The following OPRM1 variants were observed in gnomAD, a reference collection of about 807,000 sequenced individuals.
The protein encoded by OPRM1 is opioid receptor mu 1.
A neutral mutation model predicts 31.8 loss-of-function variants in OPRM1; 27 were observed. The observed-to-expected ratio is 0.85, with a 90% CI of 0.63 to 1.17. The LOEUF is 1.17. Ranked by LOEUF, OPRM1 falls within the 50% of genes most tolerant of loss-of-function variation. The pLI is 0.00. For synonymous variants in OPRM1, 196 were observed against 189.9 expected (o/e 1.03, Z -0.26); for missense variants, 536 against 511.1 (o/e 1.05, Z -0.47).
rs771380397 is a variant in OPRM1, at chr6:154,110,445, A to G, written c.1165-8238A>G. On this transcript the variant is annotated intron_variant, in intron 3 of 3. Coordinates refer to ENST00000330432, the MANE Select transcript of OPRM1 (RefSeq NM_000914.5). Reference sequence around the variant, plus strand: ...ATATTTTCCCGTGAAAGAATATAAGATTGGAAGCCAGAGAGCCTGGGTTCT... The same window carrying G: ...ATATTTTCCCGTGAAAGAATATAAGGTTGGAAGCCAGAGAGCCTGGGTTCT... The G allele has an allele frequency of 3.7e-4, 520 of 1,400,682 alleles. 8 individuals carry two copies. Among genetic ancestry groups the G allele is most frequent in the Admixed American group, 3.6e-4 (18 of 50,320 alleles). 86.8% of individuals were successfully genotyped at this position (1,400,682 alleles called of 1,614,324 possible). A position where few individuals can be genotyped will look rare whatever the true frequency, so the allele number is the denominator to read the frequency against.
intron 3 of OPRM1, among the ~76,000 whole-genome samples, chr6:154,194,372 A>G (rs2281619): frequency 0.68 from 103,536 of 152,106 alleles, 36,014 homozygotes; most frequent in East Asian, 0.89. Context: ...GCACTCCAGC[A>G]TGGGCAACAA....
chr6:154,075,820 C>T (rs906815618), intron 1 of OPRM1, among the ~76,000 whole-genome samples: 1 of 152,134 alleles, frequency 6.6e-6, no homozygotes, highest in African/African-American at 2.4e-5. Flanking sequence ...GAACAGTGAA[C>T]ACATCTGGGG....
intron 1 of OPRM1, among the ~76,000 whole-genome samples, chr6:154,044,070 A>G (rs972708504): frequency 2.2e-4 from 33 of 152,260 alleles, no homozygotes; most frequent in African/African-American, 7.5e-4. Context: ...GATAAAAAAT[A>G]TATAATTACA....
At chr6:154,180,416 T>TATA (rs1562526757) in intron 3 of OPRM1, among the ~76,000 whole-genome samples, 2,102 of 50,606 alleles carry the variant, frequency 0.042, 26 homozygotes, top group Middle Eastern at 0.06. Flanking sequence ...ATATATATAT[T>TATA]TTTTTTTTAA....
At chr6:154,228,152 A>C (rs184002971) in intron 3 of OPRM1, among the ~76,000 whole-genome samples, 2 of 151,956 alleles carry the variant, frequency 1.3e-5, no homozygotes, top group Non-Finnish European at 2.9e-5. Flanking sequence ...TTCTTCTTCA[A>C]TTCCTAACTT....
intron 1 of OPRM1, among the ~76,000 whole-genome samples, chr6:154,052,413 G>T (rs2128418139): frequency 6.6e-6 from 1 of 152,316 alleles, no homozygotes; most frequent in East Asian, 1.9e-4. Context: ...TAACTACTCA[G>T]TTCTGCTGTT....
chr6:154,101,468 C>A (rs899360869), intron 3 of OPRM1, among the ~76,000 whole-genome samples: 1 of 152,160 alleles, frequency 6.6e-6, no homozygotes, highest in Non-Finnish European at 1.5e-5. Flanking sequence ...GTGTGACTTG[C>A]ATATACTATA....
chr6:154,050,159 T>C (rs576091081), intron 1 of OPRM1, among the ~76,000 whole-genome samples: 4 of 152,316 alleles, frequency 2.6e-5, no homozygotes, highest in Admixed American at 2.6e-4. Flanking sequence ...GAAGACTTTT[T>C]ATTATGGCTT....
chr6:154,193,367 A>G (rs1276859640), intron 3 of OPRM1, among the ~76,000 whole-genome samples: 1 of 152,190 alleles, frequency 6.6e-6, no homozygotes, highest in East Asian at 1.9e-4. Context: ...GGGGGAAAGG[A>G]TAAGAGTGAG....
At chr6:154,063,828 C>T (rs964024383) in intron 1 of OPRM1, among the ~76,000 whole-genome samples, 20 of 152,082 alleles carry the variant, frequency 1.3e-4, no homozygotes, top group South Asian at 2.1e-4. Flanking sequence ...TATATGTTAA[C>T]ATTTTCTTCC....
Position 154,123,560 on chromosome 6 carries a change from ACT to A in OPRM1, c.*4841_*4842del, listed in dbSNP as rs367745103. ...GAAAGCAAAGGAATAAAGAATGGCT[ACT>A]CCATAGGCAGCGTAGCCCCAAGGGC... On this transcript the variant is annotated 3_prime_UTR_variant, in exon 4 of 4. Coordinates refer to ENST00000330432, the MANE Select transcript of OPRM1 (RefSeq NM_000914.5). Among the ~76,000 whole-genome samples the A allele has an allele frequency of 4.9e-4, 74 of 152,210 alleles. No individual in the cohort carries two copies. The highest frequency in any genetic ancestry group is 1.7e-3 in the African/African-American group (72 of 41,526).
At chr6:154,021,092 G>A (rs994341957) in intron 1 of OPRM1, among the ~76,000 whole-genome samples, 47 of 152,128 alleles carry the variant, frequency 3.1e-4, no homozygotes, top group Non-Finnish European at 1.5e-4. Context: ...TTATAGTTTA[G>A]CATTTTACAT....
intron 3 of OPRM1, among the ~76,000 whole-genome samples, chr6:154,092,712 A>C (rs1368402995): frequency 1.3e-5 from 2 of 152,222 alleles, no homozygotes; most frequent in African/African-American, 4.8e-5. Context: ...AATTGACCAG[A>C]GGACTAATGT....
intron 3 of OPRM1, among the ~76,000 whole-genome samples, chr6:154,224,976 G>T (rs909793685): frequency 6.6e-6 from 1 of 152,048 alleles, no homozygotes; most frequent in Non-Finnish European, 1.5e-5. Flanking sequence ...TTCTCAATCC[G>T]CCTTACAAAA....
At chr6:154,154,127 G>A (rs920129659) in intron 3 of OPRM1, among the ~76,000 whole-genome samples, 2 of 152,202 alleles carry the variant, frequency 1.3e-5, no homozygotes, top group Non-Finnish European at 2.9e-5. Flanking sequence ...GGAACAAAAT[G>A]AAAACTGTGT....
At chr6:154,173,062 G>A (rs1269341069) in intron 3 of OPRM1, among the ~76,000 whole-genome samples, 2 of 152,224 alleles carry the variant, frequency 1.3e-5, no homozygotes, top group Admixed American at 1.3e-4. Context: ...TCCAACAGAC[G>A]TGCAGCTGAG....
intron 3 of OPRM1, among the ~76,000 whole-genome samples, chr6:154,162,774 A>G (rs1799128132): frequency 6.6e-6 from 1 of 152,048 alleles, no homozygotes; most frequent in African/African-American, 2.4e-5. Context: ...TCCCAAGTTT[A>G]TATCTCTCCT....
rs368117860 is a variant in OPRM1, at chr6:154,089,805, T to A, written c.291-21T>A. On this transcript the variant is annotated intron_variant, in intron 1 of 3. Transcript: ENST00000330432. ...ACTAGTGTCTTTTACTGATTCTCACTCTTCTTCCTTTATCTCCTAGATACA... is the reference window on the plus strand; with the variant it reads ...ACTAGTGTCTTTTACTGATTCTCACACTTCTTCCTTTATCTCCTAGATACA... The A allele has an allele frequency of 1.7e-5, 27 of 1,545,182 alleles. No individual in the cohort carries two copies. The African/African-American group carries it at 3.7e-4, about 21-fold the overall frequency.
chr6:154,108,907 A>G (rs1304963459), intron 3 of OPRM1: 1 of 985,056 alleles, frequency 1.0e-6, no homozygotes, highest in Non-Finnish European at 1.2e-6. Flanking sequence ...GAAAAATTTT[A>G]GTCCAAAAAT....
Sources: gnomAD v4.1 joint callset for allele counts (sites outside exome capture counted in the v4.1 genomes callset) on GRCh38, gnomAD v4.1.1 for gene constraint, MANE v1.5 for transcripts, NCBI Gene and HGNC (gene_info 2026-07-23, HGNC 2026-07-21) for gene names.